Variants in GCLC observed in about 807,000 individuals in gnomAD.
The protein encoded by GCLC is glutamate--cysteine ligase catalytic subunit.
Under a neutral mutation model 81.5 loss-of-function variants are expected in GCLC, and 30 were observed. The observed-to-expected ratio is 0.37, with a 90% CI of 0.28 to 0.50. GCLC has a LOEUF of 0.50. Among genes scored for constraint, GCLC ranks in the 20% least tolerant of loss-of-function variants. The pLI, the probability that GCLC is intolerant of heterozygous loss-of-function variation, is 0.96. For synonymous variants in GCLC, 262 were observed against 273.3 expected, an observed-to-expected ratio of 0.96 and a Z score of 0.41; for missense variants, 556 against 777.4, an observed-to-expected ratio of 0.72 and a Z score of 3.39.
In GCLC at chr6:53,523,589, A is replaced by G. The variant is rs1039497080; in HGVS notation, c.151-1062T>C. ...CATGTAAATCTAGGTTCTCAGTCTT[A>G]AAACAATACCCAGAAGCCCAGCACG... is the stretch of plus-strand genomic sequence containing the variant. On this transcript the variant is annotated intron_variant, in intron 1 of 15. Coordinates refer to ENST00000650454, the MANE Select transcript of GCLC (RefSeq NM_001498.4). Among the ~76,000 whole-genome samples the G allele has an allele frequency of 1.1e-4, 16 of 152,224 alleles. No individual in the cohort carries two copies. In the East Asian group the frequency reaches 3.1e-3, roughly 29 times the overall value.
chr6:53,501,554 C>A (rs1279411283), intron 12 of GCLC, among the ~76,000 whole-genome samples: 1 of 152,104 alleles, frequency 6.6e-6, no homozygotes, highest in African/African-American at 2.4e-5. Context: ...TCAATATATA[C>A]AACAGTGACC....
intron 1 of GCLC, chr6:53,523,157 A>T (rs1049925813): frequency 6.5e-6 from 1 of 152,730 alleles, no homozygotes; most frequent in Non-Finnish European, 1.5e-5. Flanking sequence ...TGCAGGGTGC[A>T]CTAGTACATT....
chr6:53,507,361 A>G, intron 9 of GCLC, 119 bp downstream of exon 9: 2 of 922,904 alleles, frequency 2.2e-6, no homozygotes, highest in Admixed American at 3.8e-5. Context: ...CTCATGAGAG[A>G]AGTTAAAGAC....
At chr6:53,537,207 T>A (rs183721657) in intron 1 of GCLC, among the ~76,000 whole-genome samples, 109 of 152,330 alleles carry the variant, frequency 7.2e-4, no homozygotes, top group South Asian at 8.3e-4. Context: ...TCAACTGAAG[T>A]GCTCTCCCCC....
In GCLC at chr6:53,527,952, C is replaced by T. The variant is rs1416490778; in HGVS notation, c.151-5425G>A. 4.6e-5 allele frequency among the ~76,000 whole-genome samples: 7 copies of T among 152,126 alleles called. No homozygotes were observed. In the East Asian group the frequency reaches 1.3e-3, roughly 29 times the overall value. The stretch of plus-strand genomic sequence containing the variant: ...CACAGAGATCATGCCAAGTAGTCAC[C>T]CTCTAGGTTATAAACTGTTTTAAAG... On this transcript the variant is annotated intron_variant, in intron 1 of 15. Transcript: ENST00000650454.
intron 6 of GCLC, among the ~76,000 whole-genome samples, chr6:53,511,313 A>C (rs1483160722): frequency 6.6e-6 from 1 of 152,158 alleles, no homozygotes; most frequent in African/African-American, 2.4e-5. Flanking sequence ...AAAAAAACCA[A>C]AAAACAAAAA....
At chr6:53,515,572 T>C (rs1181177463) in intron 4 of GCLC, among the ~76,000 whole-genome samples, 2 of 152,202 alleles carry the variant, frequency 1.3e-5, no homozygotes, top group African/African-American at 2.4e-5. Flanking sequence ...TGAGCATGCA[T>C]TGTACAAAGC....
chr6:53,516,160 G>A lies in GCLC; in HGVS notation c.509C>T (p.Ser170Phe). Residue 170 changes from serine (S) to phenylalanine (F), a missense_variant, in exon 4 of 16, where the codon TCC becomes TTC. Ser to Phe is a radical substitution (Grantham distance 155, BLOSUM62 -2). Coordinates refer to ENST00000650454, the MANE Select transcript of GCLC (RefSeq NM_001498.4). ...VKPNPVEGGASKSLFFPDEAI... is the reference protein window; with the variant it reads ...VKPNPVEGGAFKSLFFPDEAI... The stretch of plus-strand genomic sequence containing the variant: ...TTCATCTGGAAAGAAGAGGGACTTG[G>A]AAGCTCCTCCTTCCACTGGGTTGGG... 1 of 1,613,918 alleles carries A rather than the reference G, an allele frequency of 6.2e-7. No homozygotes were observed. Among genetic ancestry groups the A allele is most frequent in the Non-Finnish European group, 8.5e-7 (1 of 1,179,800 alleles).
chr6:53,519,093 C>A (rs1762937538), intron 3 of GCLC, among the ~76,000 whole-genome samples: 1 of 152,236 alleles, frequency 6.6e-6, no homozygotes, highest in Non-Finnish European at 1.5e-5. Flanking sequence ...CACTACAGCC[C>A]AAGTGAGGGC....
rs141530271 is a variant in GCLC, at chr6:53,508,929, A to C, written c.829-218T>G. Among the ~76,000 whole-genome samples, 11 of 152,316 alleles carry C rather than the reference A, an allele frequency of 7.2e-5. No homozygotes were observed. The East Asian group carries it at 2.1e-3, about 29-fold the overall frequency. On this transcript the variant is annotated intron_variant, in intron 7 of 15. Transcript: ENST00000650454. ...TCCTCTCTCTAATGTGAGGACATGA[A>C]GTATGGGGGAGGGAAAATGGCCACA...
In GCLC at chr6:53,506,634, CA is replaced by C. The variant is rs1764620214; in HGVS notation, c.1197+278del. Reference sequence around the variant, plus strand: ...TATGTTTGAATTTTTCACCACTAGGCAAATAAGAAAATACTGAACAATAAAA... The same window carrying C: ...TATGTTTGAATTTTTCACCACTAGGCAATAAGAAAATACTGAACAATAAAA... On this transcript the variant is annotated intron_variant, in intron 10 of 15. Transcript: ENST00000650454. This position sits in a 1 kb window ranked among gnomAD's most constrained non-coding sequence, Gnocchi z 4.0. 1.3e-5 allele frequency among the ~76,000 whole-genome samples: 2 copies of C among 150,844 alleles called. No individual in the cohort carries two copies. Among genetic ancestry groups the C allele is most frequent in the Non-Finnish European group, 2.9e-5 (2 of 67,798 alleles).
intron 6 of GCLC, among the ~76,000 whole-genome samples, chr6:53,511,536 TG>T (rs769764455): frequency 4.6e-5 from 7 of 152,324 alleles, no homozygotes; most frequent in Non-Finnish European, 1.0e-4. Context: ...AGGTGAATCC[TG>T]GGAAATTCAA....
chr6:53,532,565 C>T (rs1763191831), intron 1 of GCLC, among the ~76,000 whole-genome samples: 1 of 152,214 alleles, frequency 6.6e-6, no homozygotes, highest in Admixed American at 6.5e-5. Context: ...TGGAAAACAG[C>T]AGCTTCTATG....
intron 1 of GCLC, among the ~76,000 whole-genome samples, chr6:53,526,079 G>C (rs1278645320): frequency 6.6e-6 from 1 of 151,906 alleles, no homozygotes; most frequent in East Asian, 1.9e-4. Context: ...TAAAAGACCA[G>C]AATAAAAGTC....
chr6:53,541,896 G>T (rs1468623886), intron 1 of GCLC, among the ~76,000 whole-genome samples: 1 of 152,130 alleles, frequency 6.6e-6, no homozygotes, highest in Non-Finnish European at 1.5e-5. Flanking sequence ...GGGGGCTAGG[G>T]TCTCACTGTC....
In GCLC at chr6:53,497,448, C is replaced by T. The variant is rs1764391112; in HGVS notation, c.*1308G>A. On this transcript the variant is annotated 3_prime_UTR_variant, in exon 16 of 16. Coordinates refer to ENST00000650454, the MANE Select transcript of GCLC (RefSeq NM_001498.4). ...TACACAAGCAAATTGCAAACGAAAACCAGGCATTCTTTAATCATCCAAAAT... is the reference window on the plus strand; with the variant it reads ...TACACAAGCAAATTGCAAACGAAAATCAGGCATTCTTTAATCATCCAAAAT... The T allele has an allele frequency of 6.6e-6, 1 of 152,122 alleles. No individual in the cohort carries two copies. The highest frequency in any genetic ancestry group is 1.5e-5 in the Non-Finnish European group (1 of 68,018). The allele number at this position is 152,122 out of a possible 1,614,324, so 9.4% of individuals were successfully genotyped here.
chr6:53,504,888 C>T (rs1395536704), intron 12 of GCLC, among the ~76,000 whole-genome samples: 2 of 152,192 alleles, frequency 1.3e-5, no homozygotes, highest in African/African-American at 4.8e-5. Context: ...CAAAGGCGTT[C>T]ACCTCCTCAG....
intron 1 of GCLC, among the ~76,000 whole-genome samples, chr6:53,542,550 C>T (rs1246027328): frequency 2.0e-5 from 3 of 150,906 alleles, no homozygotes; most frequent in Non-Finnish European, 1.5e-5. Context: ...CAGGAATACA[C>T]CAAATGGGAC....
intron 15 of GCLC, among the ~76,000 whole-genome samples, chr6:53,499,425 T>C (rs17883412): frequency 1.3e-5 from 2 of 152,156 alleles, no homozygotes; most frequent in South Asian, 2.1e-4. Flanking sequence ...AGTGGGAAAT[T>C]GGCAGTATAC....
Sources: allele counts gnomAD v4.1 joint callset (sites outside exome capture counted in the v4.1 genomes callset), GRCh38; gene constraint gnomAD v4.1.1; non-coding constraint Gnocchi (gnomAD v3.1); transcripts MANE v1.5; gene names NCBI Gene and HGNC (gene_info 2026-07-23, HGNC 2026-07-21).